Variants in FAM135A observed in about 807,000 individuals in gnomAD.
FAM135A encodes the protein protein FAM135A.
FAM135A carries 79 observed loss-of-function variants against 146.8 expected under a neutral mutation model. The observed-to-expected ratio is 0.54, with a 90% CI of 0.45 to 0.65. FAM135A has a LOEUF of 0.65. Among genes scored for constraint, FAM135A ranks in the 30% least tolerant of loss-of-function variants. The pLI is 0.00. For missense variants in FAM135A, 1,623 were observed against 1,758.2 expected (o/e 0.92, Z 1.38); for synonymous variants, 562 against 603.6 (o/e 0.93, Z 1.01).
intron 4 of FAM135A, among the ~76,000 whole-genome samples, chr6:70,431,358 G>A (rs1269360561): frequency 6.6e-6 from 1 of 152,220 alleles, no homozygotes; most frequent in Non-Finnish European, 1.5e-5. Context: ...TCAGATGGCA[G>A]ATTGGCCGGG....
At position 70,435,111 on chromosome 6, in the gene FAM135A, T is replaced by TATA. The variant is rs1772751231; in HGVS notation, c.77+6692_77+6693insATA. Among the ~76,000 whole-genome samples the TATA allele has an allele frequency of 5.7e-5, 5 of 87,104 alleles. No homozygotes were observed. The Admixed American group carries it at 6.2e-4, about 11-fold the overall frequency. The allele number at this position is 87,104 out of a possible 152,430, so 57.1% of individuals were successfully genotyped here. A position where few individuals can be genotyped will look rare whatever the true frequency, so the allele number is the denominator to read the frequency against. On this transcript the variant is annotated intron_variant, in intron 4 of 21. Transcript: ENST00000418814. ...TATATATATATATATATATATATAT[T>TATA]TTTTTTTTTTTTTAGATGGAGTCTC... is the stretch of plus-strand genomic sequence containing the variant.
At chr6:70,491,968 CCAGT>C (rs1442260356) in intron 11 of FAM135A, among the ~76,000 whole-genome samples, 1 of 151,714 alleles carries the variant, frequency 6.6e-6, no homozygotes, top group Non-Finnish European at 1.5e-5. Flanking sequence ...AAATTTTACT[CCAGT>C]CAATCATTTT....
At chr6:70,552,608 A>G (rs2128490517) in intron 20 of FAM135A, among the ~76,000 whole-genome samples, 1 of 151,618 alleles carries the variant, frequency 6.6e-6, no homozygotes, top group East Asian at 1.9e-4. Flanking sequence ...AACTGGGATT[A>G]CAGGTGCCTG....
intron 5 of FAM135A, among the ~76,000 whole-genome samples, chr6:70,474,699 G>T (rs116473513): frequency 6.6e-6 from 1 of 152,062 alleles, no homozygotes; most frequent in Non-Finnish European, 1.5e-5. Flanking sequence ...TCCTCCTCTC[G>T]AACATCCAGT....
chr6:70,453,678 C>A (rs1460404372), intron 5 of FAM135A, among the ~76,000 whole-genome samples: 1 of 151,358 alleles, frequency 6.6e-6, no homozygotes, highest in Non-Finnish European at 1.5e-5. Context: ...GGTTTTCTGT[C>A]CTTGCAATAG....
At chr6:70,501,801 A>ATT in intron 11 of FAM135A, among the ~76,000 whole-genome samples, 2 of 152,172 alleles carry the variant, frequency 1.3e-5, no homozygotes, top group African/African-American at 2.4e-5. Context: ...CTCACTGCCT[A>ATT]ACCAGTGCCA....
rs763086971 is a variant in FAM135A, at chr6:70,525,427, A to G, written c.2343A>G (p.Thr781=). The G allele has an allele frequency of 1.7e-5, 28 of 1,613,638 alleles. No individual in the cohort carries two copies. The highest frequency in any genetic ancestry group is 2.4e-5 in the Non-Finnish European group (28 of 1,179,722). ...AAAGTGAACCGAGTTCTTTTGCGACACATCCAAACACTGATTTAGTCTTTG... is the reference window on the plus strand; with the variant it reads ...AAAGTGAACCGAGTTCTTTTGCGACGCATCCAAACACTGATTTAGTCTTTG... ...GVESEPSSFA[T]HPNTDLVFET... The change falls in exon 15 of 22, where the codon ACA becomes ACG. Residue 781 remains threonine, a synonymous_variant. Coordinates refer to ENST00000418814, the MANE Select transcript of FAM135A (RefSeq NM_001162529.3).
At chr6:70,486,351 A>T (rs1297104770) in intron 10 of FAM135A, 1 of 933,614 alleles carries the variant, frequency 1.1e-6, no homozygotes, top group Non-Finnish European at 1.6e-6. Context: ...ATAATGTGGT[A>T]TGTTTCCACC....
intron 4 of FAM135A, among the ~76,000 whole-genome samples, chr6:70,448,117 C>T (rs753741472): frequency 5.3e-5 from 8 of 152,200 alleles, no homozygotes; most frequent in South Asian, 2.1e-4. Context: ...AAACTAAGAG[C>T]GGTTATTCAA....
intron 2 of FAM135A, among the ~76,000 whole-genome samples, chr6:70,419,992 C>T (rs948598849): frequency 6.6e-6 from 1 of 152,076 alleles, no homozygotes; most frequent in South Asian, 2.1e-4. Flanking sequence ...GGTCTGTAGG[C>T]GACTTTTGCC....
intron 12 of FAM135A, among the ~76,000 whole-genome samples, chr6:70,507,208 G>A (rs969913602): frequency 1.3e-5 from 2 of 152,240 alleles, no homozygotes; most frequent in Non-Finnish European, 2.9e-5. Context: ...TGTTACTCAA[G>A]CAGGAATAAG....
In FAM135A at chr6:70,452,460, T is replaced by A. The variant is rs1253427903; in HGVS notation, c.78-32T>A. The A allele has an allele frequency of 2.0e-6, 3 of 1,516,192 alleles. No individual in the cohort carries two copies. In the African/African-American group the frequency reaches 4.2e-5, roughly 21 times the overall value. The allele number at this position is 1,516,192 out of a possible 1,614,324, so 93.9% of individuals were successfully genotyped here. On this transcript the variant is annotated intron_variant, in intron 4 of 21. Coordinates refer to ENST00000418814, the MANE Select transcript of FAM135A (RefSeq NM_001162529.3). ...GGCATTGCATATTTTTAAATATGTT[T>A]TGAAATAACTTCCTTGTTTATTTTG... is the stretch of plus-strand genomic sequence containing the variant.
At chr6:70,421,318 T>C (rs915421270) in intron 2 of FAM135A, among the ~76,000 whole-genome samples, 2 of 152,166 alleles carry the variant, frequency 1.3e-5, no homozygotes, top group Non-Finnish European at 2.9e-5. Flanking sequence ...TAAATTAATT[T>C]AAAATTAAAT....
chr6:70,539,300 T>C (rs911122614), intron 20 of FAM135A, among the ~76,000 whole-genome samples: 2 of 152,140 alleles, frequency 1.3e-5, no homozygotes, highest in Admixed American at 6.5e-5. Context: ...TTGGCAAACT[T>C]TTTTTTAAAA....
At chr6:70,503,363 T>C (rs1228234733) in intron 12 of FAM135A, 1 of 152,210 alleles carries the variant, frequency 6.6e-6, no homozygotes, top group Non-Finnish European at 1.5e-5. Context: ...TTTCCTTATA[T>C]ACTCTGCATG....
At chr6:70,432,723 T>C (rs2127816447) in intron 4 of FAM135A, among the ~76,000 whole-genome samples, 1 of 152,178 alleles carries the variant, frequency 6.6e-6, no homozygotes, top group Non-Finnish European at 1.5e-5. Flanking sequence ...TATCTCTTTT[T>C]TCTGATTAAA....
intron 8 of FAM135A, among the ~76,000 whole-genome samples, chr6:70,480,326 C>T (rs1335355312): frequency 6.6e-6 from 1 of 152,024 alleles, no homozygotes; most frequent in Non-Finnish European, 1.5e-5. Flanking sequence ...AAAAATTAGC[C>T]AAGCATGGTG....
chr6:70,492,937 CACTT>C (rs1451220564), intron 11 of FAM135A, among the ~76,000 whole-genome samples: 3 of 147,972 alleles, frequency 2.0e-5, no homozygotes, highest in Non-Finnish European at 4.6e-5. Context: ...ATTTTTAAAA[CACTT>C]ATATATTGCA....
chr6:70,545,693 T>C (rs1279761168), intron 20 of FAM135A, among the ~76,000 whole-genome samples: 1 of 152,176 alleles, frequency 6.6e-6, no homozygotes, highest in Non-Finnish European at 1.5e-5. Context: ...AAAATAATAA[T>C]AGCTAATACA....
Sources: gnomAD v4.1 joint callset for allele counts (sites outside exome capture counted in the v4.1 genomes callset) on GRCh38, gnomAD v4.1.1 for gene constraint, MANE v1.5 for transcripts, NCBI Gene and HGNC (gene_info 2026-07-23, HGNC 2026-07-21) for gene names.